PYY: variants seen among roughly 807,000 people sequenced by gnomAD.
PYY encodes peptide tyrosine tyrosine.
A neutral mutation model predicts 10.3 loss-of-function variants in PYY; 12 were observed. That is an observed-to-expected ratio of 1.17 (90% CI 0.75 to 1.89). PYY has a LOEUF of 1.89. PYY is among the 40% of genes most tolerant of loss of function. The probability of loss-of-function intolerance (pLI) is 0.00; values close to 1 mark genes in which losing one functional copy is unlikely to be tolerated. For synonymous variants in PYY, 66 were observed against 62.0 expected, an observed-to-expected ratio of 1.06 and a Z score of -0.30; for missense variants, 141 against 134.0, an observed-to-expected ratio of 1.05 and a Z score of -0.26.
intron 2 of PYY, among the ~76,000 whole-genome samples, chr17:43,964,868 G>A (rs2048743648): frequency 6.6e-6 from 1 of 152,186 alleles, no homozygotes. Context: ...TTTATTCTGA[G>A]ACGTCTGTGT....
intron 2 of PYY, among the ~76,000 whole-genome samples, chr17:43,960,532 CAAAAAA>C (rs1170040925): frequency 2.4e-4 from 14 of 59,006 alleles, no homozygotes; most frequent in African/African-American, 4.6e-4. Context: ...GACTTTGTCT[CAAAAAA>C]AAAAAAAAAA....
rs1162426873 is a variant in PYY at position 43,963,570 on chromosome 17, AAAAGAAAGAAAGAAAG to A, written c.-218+2702_-218+2717del. The stretch of plus-strand genomic sequence containing the variant: ...AAGGGAAGGAAGGAAGGAAGGAAGG[AAAAGAAAGAAAGAAAG>A]AAAGAAAGAAAGAAAGAAAGAAAGA... On this transcript the variant is annotated intron_variant, in intron 2 of 6. Transcript: ENST00000360085. 7.8e-3 allele frequency among the ~76,000 whole-genome samples: 815 copies of A among 104,664 alleles called. 2 individuals are homozygous for A. The highest frequency in any genetic ancestry group is 1.0e-2 in the Non-Finnish European group (533 of 53,418). 68.7% of individuals were successfully genotyped at this position (104,664 alleles called of 152,430 possible). A position where few individuals can be genotyped will look rare whatever the true frequency, so the allele number is the denominator to read the frequency against.
intron 1 of PYY, among the ~76,000 whole-genome samples, chr17:43,986,247 G>A (rs2048915252): frequency 6.6e-6 from 1 of 152,082 alleles, no homozygotes; most frequent in Non-Finnish European, 1.5e-5. Flanking sequence ...TGGGCAACAA[G>A]AGCAAAACTC....
intron 2 of PYY, among the ~76,000 whole-genome samples, chr17:43,960,905 T>G (rs1024569659): frequency 4.8e-5 from 7 of 145,066 alleles, no homozygotes; most frequent in African/African-American, 1.5e-4. Context: ...GCCACCGGGA[T>G]GAGAAACAAG....
At chr17:43,986,359 G>A (rs1013050912) in intron 1 of PYY, among the ~76,000 whole-genome samples, 11 of 152,212 alleles carry the variant, frequency 7.2e-5, no homozygotes, top group African/African-American at 2.4e-4. Flanking sequence ...CAGATGGCAT[G>A]GAGTGTGCCT....
At chr17:43,997,572 C>A (rs1248081671) in intron 1 of PYY, among the ~76,000 whole-genome samples, 1 of 152,096 alleles carries the variant, frequency 6.6e-6, no homozygotes, top group African/African-American at 2.4e-5. Context: ...CTGGCAATCA[C>A]AAGGACTTCG....
At chr17:43,979,170 T>TGGC (rs1199435576) in intron 1 of PYY, among the ~76,000 whole-genome samples, 1 of 152,208 alleles carries the variant, frequency 6.6e-6, no homozygotes, top group Non-Finnish European at 1.5e-5. Flanking sequence ...ATTTCCAGAT[T>TGGC]GGCAGCAGCA....
At chr17:43,997,748 C>T (rs764952373) in intron 1 of PYY, among the ~76,000 whole-genome samples, 8 of 152,084 alleles carry the variant, frequency 5.3e-5, no homozygotes, top group East Asian at 1.9e-4. Flanking sequence ...CTTACGAATG[C>T]GGCTTCGACC....
At chr17:43,982,029 G>T (rs185822859) in intron 1 of PYY, among the ~76,000 whole-genome samples, 1 of 152,180 alleles carries the variant, frequency 6.6e-6, no homozygotes, top group African/African-American at 2.4e-5. Context: ...TAAATCAGTA[G>T]CCAGAATATA....
At chr17:43,961,237 C>A (rs907467417) in intron 2 of PYY, among the ~76,000 whole-genome samples, 4 of 150,140 alleles carry the variant, frequency 2.7e-5, no homozygotes, top group East Asian at 2.0e-4. Context: ...AAAAAAAAAA[C>A]AAACAAGCAA....
At chr17:44,002,989 A>G (rs919166875) in intron 1 of PYY, among the ~76,000 whole-genome samples, 1 of 152,210 alleles carries the variant, frequency 6.6e-6, no homozygotes, top group African/African-American at 2.4e-5. Flanking sequence ...ATGGAATGTA[A>G]TAACATTGTT....
chr17:43,963,574 G>GAAAGAAAGAAAGA (rs1358852506), intron 2 of PYY, among the ~76,000 whole-genome samples: 8 of 51,312 alleles, frequency 1.6e-4, no homozygotes, highest in African/African-American at 5.0e-4. Flanking sequence ...GGAAGGAAAA[G>GAAAGAAAGAAAGA]AAAGAAAGAA....
intron 1 of PYY, among the ~76,000 whole-genome samples, chr17:43,988,052 C>G (rs2048926939): frequency 6.6e-6 from 1 of 152,168 alleles, no homozygotes; most frequent in Admixed American, 6.5e-5. Context: ...CACACGCCAT[C>G]CCACTCATCC....
intron 1 of PYY, among the ~76,000 whole-genome samples, chr17:43,991,194 C>G (rs1014540425): frequency 1.3e-5 from 2 of 151,954 alleles, no homozygotes; most frequent in Non-Finnish European, 2.9e-5. Flanking sequence ...CTTTGGGAGG[C>G]TGAGGCAGGT....
At chr17:43,958,974 T>C (rs2048693937) in intron 2 of PYY, among the ~76,000 whole-genome samples, 1 of 152,254 alleles carries the variant, frequency 6.6e-6, no homozygotes, top group Non-Finnish European at 1.5e-5. Flanking sequence ...TTGAATTAGA[T>C]GTGAAAGATA....
At chr17:43,976,181 ATACGTATATG>A (rs1231391063) in intron 1 of PYY, among the ~76,000 whole-genome samples, 10 of 86,716 alleles carry the variant, frequency 1.2e-4, no homozygotes, top group African/African-American at 9.9e-4. Flanking sequence ...ATATGTATAT[ATACGTATATG>A]TATACATATA....
chr17:43,994,091 T>C (rs911337921), intron 1 of PYY, among the ~76,000 whole-genome samples: 3 of 152,092 alleles, frequency 2.0e-5, no homozygotes, highest in Non-Finnish European at 4.4e-5. Context: ...TGGGCTCAAG[T>C]GATCCTCCTG....
In PYY at chr17:43,969,714, G is replaced by A. The variant is rs185814001; in HGVS notation, c.-462-3182C>T. ...AAGCCAGGAGTTCAAGACCAGCCTG[G>A]GCAACATAGTAAGACCCTGTCTCTA... On this transcript the variant is annotated intron_variant, in intron 1 of 6. Transcript: ENST00000360085. 2.4e-3 allele frequency among the ~76,000 whole-genome samples: 355 copies of A among 150,786 alleles called. 3 individuals carry two copies. The highest frequency in any genetic ancestry group is 8.2e-3 in the African/African-American group (335 of 40,994).
At chr17:43,971,234 C>A (rs191363850) in intron 1 of PYY, among the ~76,000 whole-genome samples, 1 of 152,188 alleles carries the variant, frequency 6.6e-6, no homozygotes, top group Non-Finnish European at 1.5e-5. Context: ...TTTTATATTA[C>A]CCATTCTAAT....
Sources: gnomAD v4.1 joint callset for allele counts (sites outside exome capture counted in the v4.1 genomes callset) on GRCh38, gnomAD v4.1.1 for gene constraint, MANE v1.5 for transcripts, NCBI Gene and HGNC (gene_info 2026-07-23, HGNC 2026-07-21) for gene names.